Variants in CNTN4 observed in about 807,000 individuals in gnomAD.
CNTN4 encodes contactin 4.
In CNTN4, 77 loss-of-function variants were observed where a neutral mutation model predicts 122.5. That is an observed-to-expected ratio of 0.63 (90% CI 0.52 to 0.76). The LOEUF (loss-of-function observed/expected upper bound fraction) is 0.76, where lower values mean the gene tolerates loss of function less well. Among genes scored for constraint, CNTN4 ranks in the 30% least tolerant of loss-of-function variants. The probability of loss-of-function intolerance (pLI) is 0.00; values close to 1 mark genes in which losing one functional copy is unlikely to be tolerated. For missense variants in CNTN4, 1,256 were observed against 1,259.1 expected, an observed-to-expected ratio of 1.00 and a Z score of 0.04; for synonymous variants, 512 against 447.0, an observed-to-expected ratio of 1.15 and a Z score of -1.83.
At chr3:3,035,106 C>T (rs1218159027) in intron 17 of CNTN4, among the ~76,000 whole-genome samples, 2 of 151,748 alleles carry the variant, frequency 1.3e-5, no homozygotes, top group African/African-American at 4.8e-5. Context: ...CCAGGAGTTC[C>T]AGACCAGCCT....
intron 10 of CNTN4, among the ~76,000 whole-genome samples, chr3:2,890,713 C>T (rs933741270): frequency 6.6e-6 from 1 of 152,140 alleles, no homozygotes; most frequent in Admixed American, 6.5e-5. Flanking sequence ...TTGGTTTGTC[C>T]CTACTGTAGC....
At chr3:2,933,981 G>A (rs544747787) in intron 13 of CNTN4, among the ~76,000 whole-genome samples, 1 of 152,256 alleles carries the variant, frequency 6.6e-6, no homozygotes, top group South Asian at 2.1e-4. Flanking sequence ...GAGACTCAAA[G>A]AGGTGGGAGA....
intron 4 of CNTN4, among the ~76,000 whole-genome samples, chr3:2,591,599 C>T (rs1444245851): frequency 7.1e-6 from 1 of 141,726 alleles, no homozygotes. Context: ...CTCCTGACCT[C>T]GTGATCCGCC....
At chr3:2,210,283 T>A (rs1232216554) in intron 2 of CNTN4, among the ~76,000 whole-genome samples, 1 of 152,186 alleles carries the variant, frequency 6.6e-6, no homozygotes, top group Non-Finnish European at 1.5e-5. Flanking sequence ...TAAAAGTATA[T>A]GCATGATATT....
chr3:3,010,738 G>C (rs1455764047), intron 14 of CNTN4, among the ~76,000 whole-genome samples: 3 of 152,154 alleles, frequency 2.0e-5, no homozygotes, highest in Non-Finnish European at 4.4e-5. Context: ...CTTCCCAGTG[G>C]TGTCAGGTCA....
intron 7 of CNTN4, among the ~76,000 whole-genome samples, chr3:2,824,501 G>A (rs576054880): frequency 6.6e-6 from 1 of 152,040 alleles, no homozygotes; most frequent in Non-Finnish European, 1.5e-5. Flanking sequence ...TAGCTGACTC[G>A]CTCACTCTGA....
intron 4 of CNTN4, among the ~76,000 whole-genome samples, chr3:2,708,746 C>CACACACAG (rs1269387308): frequency 5.1e-4 from 16 of 31,640 alleles, no homozygotes; most frequent in Non-Finnish European, 4.6e-4. Context: ...CACACACACA[C>CACACACAG]ACACACACAC....
chr3:2,524,114 C>G (rs2077316078), intron 3 of CNTN4, among the ~76,000 whole-genome samples: 1 of 151,972 alleles, frequency 6.6e-6, no homozygotes, highest in African/African-American at 2.4e-5. Flanking sequence ...ATTTGTCATC[C>G]CAAAATGAAA....
At chr3:2,503,880 G>A (rs117556547) in intron 3 of CNTN4, among the ~76,000 whole-genome samples, 2,820 of 152,088 alleles carry the variant, frequency 0.019, 66 homozygotes, top group African/African-American at 0.048. Flanking sequence ...TGTAAGAACT[G>A]GCCATATTTG....
At chr3:2,170,157 T>TA (rs777604585) in intron 2 of CNTN4, among the ~76,000 whole-genome samples, 114 of 149,314 alleles carry the variant, frequency 7.6e-4, no homozygotes, top group Non-Finnish European at 1.3e-3. Context: ...CCGTCTCTAC[T>TA]AAAAATACAA....
chr3:2,311,324 A>T (rs905879325), intron 2 of CNTN4, among the ~76,000 whole-genome samples: 2 of 152,032 alleles, frequency 1.3e-5, no homozygotes, highest in African/African-American at 4.8e-5. Flanking sequence ...TCAACCCTAG[A>T]ATAGTACCTT....
chr3:2,283,351 A>C (rs1559411104), intron 2 of CNTN4, among the ~76,000 whole-genome samples: 1 of 152,132 alleles, frequency 6.6e-6, no homozygotes, highest in African/African-American at 2.4e-5. Flanking sequence ...CACATATTAC[A>C]ATCCTTTATA....
intron 6 of CNTN4, among the ~76,000 whole-genome samples, chr3:2,780,414 C>A (rs1256148130): frequency 6.6e-6 from 1 of 152,180 alleles, no homozygotes; most frequent in Non-Finnish European, 1.5e-5. Flanking sequence ...TCTGGATCTT[C>A]CAACTCTCAA....
chr3:2,505,031 A>T (rs964918986), intron 3 of CNTN4, among the ~76,000 whole-genome samples: 2 of 152,162 alleles, frequency 1.3e-5, no homozygotes, highest in Non-Finnish European at 2.9e-5. Flanking sequence ...TCGATTTGGA[A>T]AATTTGAGTA....
At chr3:2,721,928 C>T (rs1016779344) in intron 4 of CNTN4, among the ~76,000 whole-genome samples, 1 of 152,156 alleles carries the variant, frequency 6.6e-6, no homozygotes, top group African/African-American at 2.4e-5. Context: ...AGAGAAGCCC[C>T]AGAGAGCTGC....
intron 6 of CNTN4, among the ~76,000 whole-genome samples, chr3:2,795,334 C>G (rs1028266444): frequency 6.6e-6 from 1 of 152,132 alleles, no homozygotes; most frequent in Non-Finnish European, 1.5e-5. Context: ...TCCATCCCCT[C>G]TCTTCTCTCC....
chr3:2,166,196 G>T (rs2036185797), intron 2 of CNTN4, among the ~76,000 whole-genome samples: 1 of 152,046 alleles, frequency 6.6e-6, no homozygotes, highest in Non-Finnish European at 1.5e-5. Context: ...CAGTGTTTAA[G>T]GGCTTCGTTT....
intron 3 of CNTN4, among the ~76,000 whole-genome samples, chr3:2,446,418 G>C (rs2048627727): frequency 6.6e-6 from 1 of 152,062 alleles, no homozygotes; most frequent in African/African-American, 2.4e-5. Flanking sequence ...CTCTTCTATA[G>C]CCTCCAGAGT....
At chr3:2,413,884 C>T (rs2047317480) in intron 3 of CNTN4, among the ~76,000 whole-genome samples, 1 of 152,156 alleles carries the variant, frequency 6.6e-6, no homozygotes, top group Non-Finnish European at 1.5e-5. Context: ...TTCTGACTAC[C>T]TACCATTTAT....
Sources: gnomAD v4.1 joint callset for allele counts (sites outside exome capture counted in the v4.1 genomes callset) on GRCh38, gnomAD v4.1.1 for gene constraint, MANE v1.5 for transcripts, NCBI Gene and HGNC (gene_info 2026-07-23, HGNC 2026-07-21) for gene names.